The following ADGRV1 variants were observed in gnomAD, a reference collection of about 807,000 sequenced individuals.
ADGRV1 encodes the protein G-protein coupled receptor 98.
ADGRV1 carries 359 observed loss-of-function variants against 596.2 expected under a neutral mutation model. That is an observed-to-expected ratio of 0.60 (90% confidence interval 0.55 to 0.66). The LOEUF is 0.66. Among genes scored for constraint, ADGRV1 ranks in the 30% least tolerant of loss-of-function variants. ADGRV1 has a pLI of 0.00. For synonymous variants in ADGRV1, 2,681 were observed against 2,679.2 expected (o/e 1.00, Z -0.02); for missense variants, 7,274 against 7,575.6 (o/e 0.96, Z 1.48).
chr5:90,685,106 C>T (rs1445038904), intron 28 of ADGRV1, among the ~76,000 whole-genome samples: 3 of 152,028 alleles, frequency 2.0e-5, no homozygotes, highest in Admixed American at 2.0e-4. Context: ...GATAACTTTT[C>T]AACACATATT....
intron 83 of ADGRV1, among the ~76,000 whole-genome samples, chr5:90,867,083 T>C (rs1316065385): frequency 6.6e-6 from 1 of 152,078 alleles, no homozygotes; most frequent in African/African-American, 2.4e-5. Context: ...ATGTGTGCCC[T>C]GATAAGGCTG....
chr5:90,818,719 A>G (rs1466742619), intron 75 of ADGRV1, among the ~76,000 whole-genome samples: 2 of 150,558 alleles, frequency 1.3e-5, no homozygotes, highest in African/African-American at 4.9e-5. Context: ...GATTACATTT[A>G]TTGATTTGCG....
chr5:90,752,856 T>G (rs1156601987), intron 53 of ADGRV1, among the ~76,000 whole-genome samples: 1 of 152,172 alleles, frequency 6.6e-6, no homozygotes, highest in East Asian at 1.9e-4. Flanking sequence ...CTCCATTGCC[T>G]TTTCCAGGTG....
chr5:90,625,027 C>A, intron 5 of ADGRV1, 103 bp from the exon 6 acceptor site: 2 of 676,646 alleles, frequency 3.0e-6, no homozygotes, highest in Non-Finnish European at 5.3e-6. Flanking sequence ...TCTTGCAGAA[C>A]ATCTTTAAAC....
intron 70 of ADGRV1, among the ~76,000 whole-genome samples, chr5:90,800,815 C>T (rs1761284274): frequency 1.3e-5 from 2 of 152,116 alleles, no homozygotes; most frequent in South Asian, 4.1e-4. Context: ...AGCAAACTAA[C>T]ACAAGAACAG....
intron 83 of ADGRV1, among the ~76,000 whole-genome samples, chr5:90,881,599 T>C (rs759502613): frequency 6.6e-6 from 1 of 152,140 alleles, no homozygotes; most frequent in African/African-American, 2.4e-5. Context: ...GATTGGGTGA[T>C]GTATATCAGG....
rs1474045521 is a variant in ADGRV1, at chr5:90,823,562, A to T, written c.16334A>T (p.Lys5445Ile). ...ACAACCTGTACAATGGGTCAAACAA[A>T]ATGCTTTATCAGCATTGAACTCAAA... is the stretch of plus-strand genomic sequence containing the variant. ...GTTTCTMGQT[K>I]CFISIELKPE... Residue 5445 changes from lysine (K) to isoleucine (I), a missense_variant, in exon 76 of 90, where the codon AAA (lysine) becomes ATA (isoleucine). Around this residue, in one of 5 missense-constraint regions of ADGRV1, gnomAD observed 1,874 missense variants for 1,970.2 expected, o/e 0.95. Transcript: ENST00000405460. The T allele has an allele frequency of 6.2e-7, 1 of 1,613,888 alleles. No homozygotes were observed. The highest frequency in any genetic ancestry group is 8.5e-7 in the Non-Finnish European group (1 of 1,179,894).
chr5:90,951,664 C>G (rs997732104), intron 83 of ADGRV1, among the ~76,000 whole-genome samples: 1 of 152,110 alleles, frequency 6.6e-6, no homozygotes, highest in Admixed American at 6.5e-5. Flanking sequence ...CCAATTCAAA[C>G]TTAAATTTTA....
At chr5:90,996,346 C>T (rs1386260085) in intron 85 of ADGRV1, among the ~76,000 whole-genome samples, 4 of 152,154 alleles carry the variant, frequency 2.6e-5, no homozygotes, top group Admixed American at 6.5e-5. Context: ...GCAAAAAGGG[C>T]CGCAGATATG....
intron 28 of ADGRV1, among the ~76,000 whole-genome samples, chr5:90,684,588 C>T (rs1745366181): frequency 6.6e-6 from 1 of 152,084 alleles, no homozygotes; most frequent in African/African-American, 2.4e-5. Flanking sequence ...GGAAGTGCCA[C>T]GATTAAGGTG....
chr5:90,702,666 A>G (rs1748056028), intron 34 of ADGRV1, among the ~76,000 whole-genome samples: 1 of 151,976 alleles, frequency 6.6e-6, no homozygotes, highest in South Asian at 2.1e-4. Context: ...CTTTTTAAAA[A>G]ATGTTTGAAG....
chr5:90,963,508 T>A (rs1312413339), intron 83 of ADGRV1, among the ~76,000 whole-genome samples: 1 of 152,046 alleles, frequency 6.6e-6, no homozygotes, highest in Non-Finnish European at 1.5e-5. Flanking sequence ...TGTATCAGAT[T>A]GTCAGGAAAT....
At chr5:90,839,716 CCA>C (rs1765269546) in intron 77 of ADGRV1, among the ~76,000 whole-genome samples, 1 of 152,164 alleles carries the variant, frequency 6.6e-6, no homozygotes, top group African/African-American at 2.4e-5. Flanking sequence ...GCTTCTATGT[CCA>C]GTTTTATATA....
intron 70 of ADGRV1, among the ~76,000 whole-genome samples, chr5:90,801,037 T>G (rs1416052396): frequency 6.6e-6 from 1 of 152,108 alleles, no homozygotes; most frequent in Non-Finnish European, 1.5e-5. Context: ...AACTGCATAT[T>G]CTGCACATGC....
chr5:91,064,032 G>A (rs905330841), intron 85 of ADGRV1, among the ~76,000 whole-genome samples: 1 of 152,202 alleles, frequency 6.6e-6, no homozygotes, highest in Admixed American at 6.5e-5. Flanking sequence ...TAGCTGGTAT[G>A]TGATTGATAT....
At chr5:90,564,392 A>C (rs1350548637) in intron 1 of ADGRV1, among the ~76,000 whole-genome samples, 1 of 152,158 alleles carries the variant, frequency 6.6e-6, no homozygotes, top group Non-Finnish European at 1.5e-5. Flanking sequence ...AGGGAGTGGA[A>C]AAAGGTAGAG....
At chr5:90,626,156 T>G (rs1310405535) in intron 6 of ADGRV1, 1 of 151,850 alleles carries the variant, frequency 6.6e-6, no homozygotes, top group Non-Finnish European at 1.5e-5. Context: ...CCCTCTACCC[T>G]CCTACAAAAA....
rs984632113 is a variant in ADGRV1 at position 90,669,968 on chromosome 5, G to A, written c.4753-2578G>A. 5.3e-5 allele frequency among the ~76,000 whole-genome samples: 8 copies of A among 152,222 alleles called. 1 individual carries two copies. Among genetic ancestry groups the A allele is most frequent in the South Asian group, 4.1e-4 (2 of 4,826 alleles). ...CTCCATCTACACTCCCCCTGCTGTC[G>A]CAACTGGTTTTCGAATACCATTTGT... On this transcript the variant is annotated intron_variant, in intron 21 of 89. Transcript: ENST00000405460.
rs374467239 is a variant in ADGRV1 at position 90,720,076 on chromosome 5, C to T, written c.9476C>T (p.Thr3159Met). 3.3e-5 allele frequency: 54 copies of T among 1,613,474 alleles called. No homozygotes were observed. The highest frequency in any genetic ancestry group is 1.3e-4 in the African/African-American group (10 of 75,024). Residue 3159 changes from threonine (T) to methionine (M), a missense_variant, in exon 44 of 90, where the codon ACG becomes ATG. By Grantham distance (81) the Thr-to-Met change is moderately conservative (BLOSUM62 -1). Transcript: ENST00000405460. ...KALQISAILD[T>M]EPEMDEYFVC... is the part of the protein sequence containing the mutation. ...CTACAAATATCTGCCATATTAGACACGGAACCAGAAATGGATGAGTATTTT... is the reference window on the plus strand; with the variant it reads ...CTACAAATATCTGCCATATTAGACATGGAACCAGAAATGGATGAGTATTTT...
Sources: gnomAD v4.1 joint callset for allele counts (sites outside exome capture counted in the v4.1 genomes callset) on GRCh38, gnomAD v4.1.1 for gene constraint, gnomAD v4.1.1 regional missense constraint, MANE v1.5 for transcripts, NCBI Gene and HGNC (gene_info 2026-07-23, HGNC 2026-07-21) for gene names.